Variants in GNB4 observed in about 807,000 individuals in gnomAD.
GNB4 encodes the protein G protein subunit beta 4.
GNB4 carries 28 observed loss-of-function variants against 45.2 expected under a neutral mutation model. That is an observed-to-expected ratio of 0.62 (90% confidence interval 0.46 to 0.85). The LOEUF is 0.85. GNB4 is among the 40% of genes least tolerant of loss of function. GNB4 has a pLI of 0.00. For synonymous variants in GNB4, 132 were observed against 143.7 expected (o/e 0.92, Z 0.58); for missense variants, 321 against 425.4 (o/e 0.75, Z 2.16).
the GNB4 span, among the ~76,000 whole-genome samples, chr3:179,498,477 C>T: frequency 1.3e-5 from 2 of 152,164 alleles, no homozygotes; most frequent in Admixed American, 1.3e-4. Flanking sequence ...TGCTTTGTTG[C>T]CCAGGCTGGA....
intron 1 of GNB4, among the ~76,000 whole-genome samples, chr3:179,432,920 G>A (rs762207979): frequency 1.3e-5 from 2 of 151,972 alleles, no homozygotes; most frequent in African/African-American, 2.4e-5. Flanking sequence ...GGAAAGTGGA[G>A]GGGGGGTGGA....
chr3:179,424,810 T>C, intron 2 of GNB4, among the ~76,000 whole-genome samples: 1 of 152,080 alleles, frequency 6.6e-6, no homozygotes, highest in Non-Finnish European at 1.5e-5. Context: ...GATCTCCCTA[T>C]GTTGCCCAGG....
chr3:179,419,070 G>A (rs533121898), intron 4 of GNB4, among the ~76,000 whole-genome samples: 8 of 152,180 alleles, frequency 5.3e-5, no homozygotes, highest in Non-Finnish European at 1.5e-5. Flanking sequence ...TGTTCAATAC[G>A]TATTTGCTTA....
the GNB4 span, among the ~76,000 whole-genome samples, chr3:179,458,570 G>A: frequency 0.027 from 4,084 of 152,116 alleles, 146 homozygotes; most frequent in African/African-American, 0.078. Context: ...GGACCCCCGC[G>A]GATACCAAAA....
At chr3:179,443,334 T>A (rs895411964) in intron 1 of GNB4, among the ~76,000 whole-genome samples, 1 of 151,780 alleles carries the variant, frequency 6.6e-6, no homozygotes, top group Non-Finnish European at 1.5e-5. Flanking sequence ...AGGTCAGGAG[T>A]TCGAGACCAG....
At chr3:179,403,824 GT>G (rs1401230909) in intron 9 of GNB4, among the ~76,000 whole-genome samples, 1 of 81,668 alleles carries the variant, frequency 1.2e-5, no homozygotes, top group Non-Finnish European at 2.5e-5. Flanking sequence ...ATAAAATAAA[GT>G]TAAGTAAAAT....
chr3:179,458,817 T>G, the GNB4 span, among the ~76,000 whole-genome samples: 2 of 152,214 alleles, frequency 1.3e-5, no homozygotes, highest in African/African-American at 2.4e-5. Context: ...AATCTAAGGA[T>G]GCAGAAGATA....
In GNB4 at chr3:179,415,044, G is replaced by A; in HGVS notation, c.271C>T (p.His91Tyr). Reference protein sequence around the residue: ...IWDSYTTNKMHAIPLRSSWVM... With the variant: ...IWDSYTTNKMYAIPLRSSWVM... ...CAGGAGGACCTCAAAGGAATAGCAT[G>A]CATCTGTAGGGCACACACCACACAT... Residue 91 changes from histidine to tyrosine, a missense_variant, in exon 6 of 10, where the codon CAT (histidine) becomes TAT (tyrosine). His to Tyr is a moderately conservative substitution (Grantham distance 83). Transcript: ENST00000232564. 6.3e-7 allele frequency: 1 copy of A among 1,588,960 alleles called. No individual in the cohort carries two copies. Among genetic ancestry groups the A allele is most frequent in the Non-Finnish European group, 8.6e-7 (1 of 1,162,242 alleles).
At chr3:179,488,522 A>G in the GNB4 span, among the ~76,000 whole-genome samples, 2 of 152,226 alleles carry the variant, frequency 1.3e-5, no homozygotes, top group Admixed American at 1.3e-4. Context: ...ATAGGTTGTG[A>G]TCCCCTTCTT....
At chr3:179,493,404 T>C in the GNB4 span, among the ~76,000 whole-genome samples, 1 of 151,126 alleles carries the variant, frequency 6.6e-6, no homozygotes, top group East Asian at 1.9e-4. Flanking sequence ...CAAACAGGAA[T>C]CCTAGAACTG....
chr3:179,519,969 G>A, the GNB4 span, among the ~76,000 whole-genome samples: 1 of 152,054 alleles, frequency 6.6e-6, no homozygotes, highest in African/African-American at 2.4e-5. Flanking sequence ...CCAAAAACCG[G>A]AAAGCCTTAC....
intron 9 of GNB4, among the ~76,000 whole-genome samples, chr3:179,402,960 C>T (rs1440931447): frequency 6.6e-6 from 1 of 152,204 alleles, no homozygotes; most frequent in Non-Finnish European, 1.5e-5. Context: ...AAAACAGGCA[C>T]AGATGCGATT....
chr3:179,524,465 T>C, the GNB4 span, among the ~76,000 whole-genome samples: 1 of 152,244 alleles, frequency 6.6e-6, no homozygotes, highest in African/African-American at 2.4e-5. Flanking sequence ...AGTTTTTGTG[T>C]GCTGGAGATG....
chr3:179,485,019 T>G, the GNB4 span, among the ~76,000 whole-genome samples: 1 of 119,852 alleles, frequency 8.3e-6, no homozygotes, highest in Non-Finnish European at 1.8e-5. Context: ...TTTTTTTTTT[T>G]TTTTTTTTTG....
At chr3:179,460,638 C>T in the GNB4 span, among the ~76,000 whole-genome samples, 3 of 151,628 alleles carry the variant, frequency 2.0e-5, no homozygotes, top group African/African-American at 4.9e-5. Context: ...TTACTCTTAA[C>T]TTTGCCTTTT....
At chr3:179,457,975 G>A in the GNB4 span, among the ~76,000 whole-genome samples, 2 of 151,472 alleles carry the variant, frequency 1.3e-5, no homozygotes, top group Non-Finnish European at 2.9e-5. Flanking sequence ...CGCAATCTCG[G>A]CTCACTGCAA....
At position 179,397,274 on chromosome 3, in the gene GNB4, T is replaced by G. The variant is rs1319964927; in HGVS notation, c.*3939A>C. ...ATACTTCCCTGAACATGTTCACATT[T>G]AAAATGCTTAAGGTCTTATTATTAA... is the stretch of plus-strand genomic sequence containing the variant. On this transcript the variant is annotated 3_prime_UTR_variant, in exon 10 of 10. Transcript: ENST00000232564. The G allele has an allele frequency of 6.6e-6, 1 of 152,254 alleles. No homozygotes were observed. Among genetic ancestry groups the G allele is most frequent in the African/African-American group, 2.4e-5 (1 of 41,472 alleles). The allele number at this position is 152,254 out of a possible 1,614,324, so 9.4% of individuals were successfully genotyped here.
the GNB4 span, among the ~76,000 whole-genome samples, chr3:179,506,160 T>C: frequency 1.3e-5 from 2 of 152,034 alleles, no homozygotes; most frequent in African/African-American, 2.4e-5. Flanking sequence ...CTGGGTAACA[T>C]GGTAAAACCC....
chr3:179,477,178 T>C, the GNB4 span, among the ~76,000 whole-genome samples: 2 of 151,966 alleles, frequency 1.3e-5, no homozygotes, highest in Non-Finnish European at 2.9e-5. Context: ...ACTTGCCAAA[T>C]CCTTGGTTTA....
Sources: gnomAD v4.1 joint callset for allele counts (sites outside exome capture counted in the v4.1 genomes callset) on GRCh38, gnomAD v4.1.1 for gene constraint, MANE v1.5 for transcripts, NCBI Gene and HGNC (gene_info 2026-07-23, HGNC 2026-07-21) for gene names.